Variants in ELP6 observed in about 807,000 individuals in gnomAD.
ELP6 encodes the protein elongator acetyltransferase complex subunit 6, also known as elongator complex protein 6.
In ELP6, 23 loss-of-function variants were observed where a neutral mutation model predicts 28.1. The ratio of observed to expected loss-of-function variants is 0.82; its 90% CI spans 0.59 to 1.16. The LOEUF is 1.16. Among genes scored for constraint, ELP6 ranks in the 50% most tolerant of loss-of-function variants. The pLI, the probability that ELP6 is intolerant of heterozygous loss-of-function variation, is 0.00. For missense variants in ELP6, 313 were observed against 334.6 expected (o/e 0.94, Z 0.50); for synonymous variants, 132 against 135.8 (o/e 0.97, Z 0.19).
chr3:47,496,947 G>C (rs1000510501), intron 6 of ELP6: 6 of 985,410 alleles, frequency 6.1e-6, no homozygotes, highest in Non-Finnish European at 7.2e-6. Flanking sequence ...TGGGGGTCTG[G>C]CTGAAGAGAG....
At chr3:47,498,957 A>G (rs1576337804) in intron 5 of ELP6, among the ~76,000 whole-genome samples, 1 of 152,354 alleles carries the variant, frequency 6.6e-6, no homozygotes, top group South Asian at 2.1e-4. Context: ...AGGTGAGCTC[A>G]TGTGAGCTGA....
chr3:47,504,573 T>C, intron 3 of ELP6, 125 bp from the exon 4 acceptor site: 2 of 1,342,230 alleles, frequency 1.5e-6, no homozygotes, highest in Non-Finnish European at 1.9e-6. Context: ...TCACCCAATG[T>C]ACAGGCCTGT....
intron 5 of ELP6, chr3:47,500,236 C>G: frequency 9.3e-7 from 1 of 1,071,250 alleles, no homozygotes; most frequent in Non-Finnish European, 1.1e-6. Flanking sequence ...AAAGAAGTAG[C>G]GAACAGTGTG....
At chr3:47,505,056 C>A (rs1022024057) in intron 3 of ELP6, among the ~76,000 whole-genome samples, 8 of 152,192 alleles carry the variant, frequency 5.3e-5, no homozygotes, top group Admixed American at 3.3e-4. Flanking sequence ...CACCTGAGGT[C>A]AGGAGTTCAA....
intron 1 of ELP6, chr3:47,513,335 T>G: frequency 7.1e-7 from 1 of 1,399,728 alleles, no homozygotes; most frequent in Non-Finnish European, 9.2e-7. Context: ...GTTGAGAATA[T>G]GCGAGATGGC....
rs1319032299 is a variant in ELP6 at position 47,510,271 on chromosome 3, T to A, written c.134-17A>T. The A allele has an allele frequency of 6.2e-7, 1 of 1,606,250 alleles. No individual in the cohort carries two copies. Among genetic ancestry groups the A allele is most frequent in the South Asian group, 1.1e-5 (1 of 90,822 alleles). On this transcript the variant is annotated splice_polypyrimidine_tract_variant and intron_variant, in intron 2 of 6. Transcript: ENST00000296149. ...TACAATTAGCTAGAAAACAAAACAA[T>A]TATTTTAAATAAATCCTCTGGTTAC...
rs925666946 is a variant in ELP6, at chr3:47,495,697, A to C, written c.*372T>G. 7 of 229,092 alleles carry C rather than the reference A, an allele frequency of 3.1e-5. No individual in the cohort carries two copies. The highest frequency in any genetic ancestry group is 1.7e-4 in the African/African-American group (7 of 42,246). 14.2% of individuals were successfully genotyped at this position (229,092 alleles called of 1,614,324 possible). A position where few individuals can be genotyped will look rare whatever the true frequency, so the allele number is the denominator to read the frequency against. Reference sequence around the variant, plus strand: ...GATTATCCTAGTTGTCACCTTGCACACCTGCCATCCGGTGCCATCTCCTGG... The same window carrying C: ...GATTATCCTAGTTGTCACCTTGCACCCCTGCCATCCGGTGCCATCTCCTGG... On this transcript the variant is annotated 3_prime_UTR_variant, in exon 7 of 7. Coordinates refer to ENST00000296149, the MANE Select transcript of ELP6 (RefSeq NM_001031703.3).
Position 47,513,585 on chromosome 3 carries a change from GA to G in ELP6, c.5del (p.Phe2SerfsTer20), listed in dbSNP as rs764792371. The G allele has an allele frequency of 6.2e-6, 10 of 1,613,306 alleles. No homozygotes were observed. The East Asian group carries it at 2.2e-4, about 36-fold the overall frequency. On this transcript the variant is annotated frameshift_variant, in exon 1 of 7. Transcript: ENST00000296149. LOFTEE classifies it high-confidence loss of function. Reference protein sequence around the residue: MFVELNNLLNTT... With the variant: MXVELNNLLNTT... ...TGTTAAGCAGGTTATTAAGTTCCAC[GA>G]ACATTCCGAGCTCCTGGGACTAGCG...
At chr3:47,504,068 G>C in intron 4 of ELP6, 1 of 394,582 alleles carries the variant, frequency 2.5e-6, no homozygotes. Flanking sequence ...CTCTAAGCCA[G>C]GGCTGGAAAA....
At chr3:47,498,468 T>A in intron 5 of ELP6, 36 bp from the exon 6 acceptor site, 2 of 1,604,480 alleles carry the variant, frequency 1.2e-6, no homozygotes. Context: ...TGCTCCTTAC[T>A]GGAAAGGACA....
rs560162775 is a variant in ELP6, at chr3:47,499,545, G to A, written c.526-1113C>T. Among the ~76,000 whole-genome samples the A allele has an allele frequency of 7.0e-3, 1,034 of 148,070 alleles. 6 individuals are homozygous for A. Among genetic ancestry groups the A allele is most frequent in the Non-Finnish European group, 0.011 (745 of 66,984 alleles). ...AAAAAAAAAAAAAAAAAAGCCAGGC[G>A]TGGTGGCAGGCACCTGTAATCCCAG... On this transcript the variant is annotated intron_variant, in intron 5 of 6. Transcript: ENST00000296149.
chr3:47,509,219 C>G (rs1394334618), intron 3 of ELP6, among the ~76,000 whole-genome samples: 1 of 152,176 alleles, frequency 6.6e-6, no homozygotes, highest in Admixed American at 6.5e-5. Context: ...ACCTCGGCCT[C>G]CCAAAGTGCT....
intron 3 of ELP6, 133 bp downstream of exon 3, chr3:47,510,051 C>T (rs535782324): frequency 9.4e-5 from 68 of 720,166 alleles, no homozygotes; most frequent in Non-Finnish European, 1.3e-4. Context: ...TGAGCCACCA[C>T]GCCCGGCCCA....
chr3:47,504,327 G>A lies in ELP6; in HGVS notation c.323+3C>T, dbSNP rs747414162. The A allele has an allele frequency of 2.1e-5, 34 of 1,601,264 alleles. 1 individual carries two copies. In the Admixed American group the frequency reaches 5.8e-4, roughly 27 times the overall value. The stretch of plus-strand genomic sequence containing the variant: ...TTCCGGGCTGGGCTGTAGGCTGACT[G>A]ACCTGAGAAACTGCAGGGGGTGTGG... On this transcript the variant is annotated splice_donor_region_variant and intron_variant, in intron 4 of 6. Transcript: ENST00000296149.
rs2030000485 is a variant in ELP6, at chr3:47,513,631, G to C, written c.-41C>G. 6.2e-7 allele frequency: 1 copy of C among 1,612,018 alleles called. No individual in the cohort carries two copies. Among genetic ancestry groups the C allele is most frequent in the Admixed American group, 1.7e-5 (1 of 59,776 alleles). Reference sequence around the variant, plus strand: ...CTAGCGCTCTGGAGGAGAACCCGGAGTGCTGCAGAGACGACGGAGGCTGGA... The same window carrying C: ...CTAGCGCTCTGGAGGAGAACCCGGACTGCTGCAGAGACGACGGAGGCTGGA... On this transcript the variant is annotated 5_prime_UTR_variant, in exon 1 of 7. Transcript: ENST00000296149.
At position 47,505,102 on chromosome 3, in the gene ELP6, A is replaced by C. The variant is rs577997070; in HGVS notation, c.205-654T>G. Among the ~76,000 whole-genome samples, 320 of 151,446 alleles carry C rather than the reference A, an allele frequency of 2.1e-3. 1 individual carries two copies. Among genetic ancestry groups the C allele is most frequent in the Non-Finnish European group, 3.6e-3 (241 of 67,818 alleles). The stretch of plus-strand genomic sequence containing the variant: ...GCCAACCTGGTGAAACCCCATCTCT[A>C]CTAAAAATACAAAAATTAGCCAGGC... On this transcript the variant is annotated intron_variant, in intron 3 of 6. Transcript: ENST00000296149.
chr3:47,498,603 C>G, intron 5 of ELP6, 171 bp from the exon 6 acceptor site: 2 of 985,390 alleles, frequency 2.0e-6, no homozygotes, highest in Admixed American at 6.1e-5. Context: ...ATTCCAGTCA[C>G]CTACTGGACA....
intron 1 of ELP6, chr3:47,511,994 T>G: frequency 1.0e-6 from 1 of 985,170 alleles, no homozygotes; most frequent in Non-Finnish European, 1.2e-6. Flanking sequence ...TTACCCCTAG[T>G]GCTGTCATTT....
intron 1 of ELP6, chr3:47,513,317 G>T: frequency 1.5e-6 from 2 of 1,372,580 alleles, no homozygotes; most frequent in Non-Finnish European, 1.9e-6. Flanking sequence ...TTAAGGACAC[G>T]CACAGCCGTT....
Sources: allele counts gnomAD v4.1 joint callset (sites outside exome capture counted in the v4.1 genomes callset), GRCh38; gene constraint gnomAD v4.1.1; transcripts MANE v1.5; gene names NCBI Gene and HGNC (gene_info 2026-07-23, HGNC 2026-07-21).